The following MTREX variants were observed in gnomAD, a reference collection of about 807,000 sequenced individuals.
The protein encoded by MTREX is Mtr4 exosome RNA helicase, also known as exosome RNA helicase MTR4.
A neutral mutation model predicts 135.4 loss-of-function variants in MTREX; 76 were observed. The observed-to-expected ratio is 0.56, with a 90% CI of 0.47 to 0.68. The LOEUF (loss-of-function observed/expected upper bound fraction) is 0.68, where lower values mean the gene tolerates loss of function less well. Ranked by LOEUF, MTREX falls within the 30% of genes least tolerant of loss-of-function variation. MTREX has a pLI of 0.00. For synonymous variants in MTREX, 404 were observed against 401.6 expected, an observed-to-expected ratio of 1.01 and a Z score of -0.07; for missense variants, 920 against 1,262.1, an observed-to-expected ratio of 0.73 and a Z score of 4.11.
chr5:55,372,926 G>C (rs1232951669), intron 16 of MTREX, among the ~76,000 whole-genome samples: 2 of 151,000 alleles, frequency 1.3e-5, no homozygotes, highest in Non-Finnish European at 3.0e-5. Context: ...GTGTGTGTGT[G>C]TGTGTGTGTG....
At chr5:55,396,858 A>G (rs1750654560) in intron 19 of MTREX, among the ~76,000 whole-genome samples, 1 of 152,260 alleles carries the variant, frequency 6.6e-6, no homozygotes, top group African/African-American at 2.4e-5. Flanking sequence ...TCTGGATTCA[A>G]GAGCAGTTGA....
chr5:55,358,503 G>C, intron 14 of MTREX, 70 bp from the exon 15 acceptor site: 2 of 1,290,254 alleles, frequency 1.6e-6, no homozygotes, highest in South Asian at 2.9e-5. Context: ...TTTATAAAAA[G>C]AGAAATTTTA....
chr5:55,318,943 A>G (rs1749243299), intron 1 of MTREX, among the ~76,000 whole-genome samples: 1 of 152,164 alleles, frequency 6.6e-6, no homozygotes, highest in Admixed American at 6.5e-5. Context: ...CTTAGAGAAA[A>G]TATATAAGAA....
At chr5:55,351,817 A>G (rs1413661145) in intron 13 of MTREX, among the ~76,000 whole-genome samples, 1 of 151,904 alleles carries the variant, frequency 6.6e-6, no homozygotes, top group Non-Finnish European at 1.5e-5. Context: ...TCAAAATGTA[A>G]TCATAAGTCT....
At chr5:55,384,470 G>A (rs1018963524) in intron 18 of MTREX, among the ~76,000 whole-genome samples, 1 of 152,024 alleles carries the variant, frequency 6.6e-6, no homozygotes, top group Non-Finnish European at 1.5e-5. Context: ...TATTTATAGT[G>A]GCAACTTTTA....
At chr5:55,416,296 A>G (rs1300934011) in intron 25 of MTREX, among the ~76,000 whole-genome samples, 164 bp downstream of exon 25, 1 of 152,074 alleles carries the variant, frequency 6.6e-6, no homozygotes, top group Non-Finnish European at 1.5e-5. Context: ...AATTCTTTGT[A>G]TTATTTAATA....
At position 55,425,444 on chromosome 5, in the gene MTREX, G is replaced by A. The variant is rs1014299256; in HGVS notation, c.*672G>A. The A allele has an allele frequency of 5.8e-6, 6 of 1,034,534 alleles. No individual in the cohort carries two copies. Among genetic ancestry groups the A allele is most frequent in the Admixed American group, 5.9e-5 (2 of 34,046 alleles). 64.1% of individuals were successfully genotyped at this position (1,034,534 alleles called of 1,614,324 possible). On this transcript the variant is annotated 3_prime_UTR_variant, in exon 27 of 27. Transcript: ENST00000230640. Reference sequence around the variant, plus strand: ...ATATAAACAAAAGGATATACTTTGAGGTGTACAGATTAAGCATATAAAAAA... The same window carrying A: ...ATATAAACAAAAGGATATACTTTGAAGTGTACAGATTAAGCATATAAAAAA...
chr5:55,365,990 A>T (rs913490461), intron 15 of MTREX, among the ~76,000 whole-genome samples: 3 of 136,546 alleles, frequency 2.2e-5, no homozygotes, highest in Non-Finnish European at 4.8e-5. Flanking sequence ...GACCCCATCT[A>T]AAAAAAAAAA....
At chr5:55,367,204 C>T (rs1419340575) in intron 16 of MTREX, among the ~76,000 whole-genome samples, 2 of 152,024 alleles carry the variant, frequency 1.3e-5, no homozygotes, top group Non-Finnish European at 2.9e-5. Flanking sequence ...AAAGCACATG[C>T]GGCTGGGCGC....
At chr5:55,321,767 C>T (rs950736648) in intron 1 of MTREX, among the ~76,000 whole-genome samples, 1 of 152,050 alleles carries the variant, frequency 6.6e-6, no homozygotes, top group Non-Finnish European at 1.5e-5. Flanking sequence ...CGCCATCATA[C>T]CCAGCTCATT....
At chr5:55,345,504 A>G (rs1749716907) in intron 10 of MTREX, among the ~76,000 whole-genome samples, 1 of 151,948 alleles carries the variant, frequency 6.6e-6, no homozygotes, top group Admixed American at 6.6e-5. Flanking sequence ...ATTAACAGTT[A>G]TTCTCCCTTT....
intron 1 of MTREX, among the ~76,000 whole-genome samples, chr5:55,317,662 A>C (rs1447589901): frequency 6.6e-6 from 1 of 152,206 alleles, no homozygotes; most frequent in African/African-American, 2.4e-5. Flanking sequence ...TAAAACCCAA[A>C]ACTACAAAAT....
intron 16 of MTREX, among the ~76,000 whole-genome samples, chr5:55,375,516 A>C (rs1455101451): frequency 6.6e-6 from 1 of 152,192 alleles, no homozygotes; most frequent in Non-Finnish European, 1.5e-5. Context: ...GTTTAAGGTT[A>C]TCTCTCTTAT....
rs1415429199 is a variant in MTREX at position 55,379,159 on chromosome 5, A to G, written c.2016A>G (p.Gly672=). 2.5e-6 allele frequency: 4 copies of G among 1,609,068 alleles called. No homozygotes were observed. The Middle Eastern group carries it at 5.0e-4, about 200-fold the overall frequency. The change falls in exon 18 of 27, where the codon GGA becomes GGG. Residue 672 remains glycine (G), a synonymous_variant. Coordinates refer to ENST00000230640, the MANE Select transcript of MTREX (RefSeq NM_015360.5). The part of the protein sequence containing the change: ...VKNEGDDFGW[G]VVVNFSKKSN... Reference sequence around the variant, plus strand: ...ATGAAGGAGATGACTTTGGCTGGGGAGTAGTGGTGAATTTCTCAAAAAAGT... The same window carrying G: ...ATGAAGGAGATGACTTTGGCTGGGGGGTAGTGGTGAATTTCTCAAAAAAGT...
chr5:55,401,237 G>T (rs1750719439), intron 21 of MTREX, among the ~76,000 whole-genome samples: 1 of 152,174 alleles, frequency 6.6e-6, no homozygotes, highest in Non-Finnish European at 1.5e-5. Flanking sequence ...GTTTCGCCAT[G>T]TTGGCCAGGC....
At chr5:55,318,820 A>G (rs897089155) in intron 1 of MTREX, among the ~76,000 whole-genome samples, 1 of 152,128 alleles carries the variant, frequency 6.6e-6, no homozygotes, top group African/African-American at 2.4e-5. Flanking sequence ...TCTAGGCGAG[A>G]TACAATGGTT....
intron 22 of MTREX, 150 bp from the exon 23 acceptor site, chr5:55,410,374 T>C: frequency 2.3e-6 from 1 of 426,668 alleles, no homozygotes; most frequent in Non-Finnish European, 4.2e-6. Context: ...AAAGATCTAC[T>C]ATGTCCTTAA....
Position 55,425,567 on chromosome 5 carries a change from A to C in MTREX, c.*795A>C. ...CTTCATTTTGCCAATACTGAATAAA[A>C]GAGTTATTTCTACATGTGAATTAGT... On this transcript the variant is annotated 3_prime_UTR_variant, in exon 27 of 27. Transcript: ENST00000230640. 2.2e-6 allele frequency: 1 copy of C among 463,110 alleles called. No homozygotes were observed. Among genetic ancestry groups the C allele is most frequent in the Non-Finnish European group, 3.7e-6 (1 of 272,478 alleles). 28.7% of individuals were successfully genotyped at this position (463,110 alleles called of 1,614,324 possible).
At chr5:55,417,700 C>A (rs567356146) in intron 25 of MTREX, among the ~76,000 whole-genome samples, 1 of 152,286 alleles carries the variant, frequency 6.6e-6, no homozygotes, top group East Asian at 1.9e-4. Flanking sequence ...TTCAGCAGCA[C>A]TAGGGCGATC....
Sources: allele counts gnomAD v4.1 joint callset (sites outside exome capture counted in the v4.1 genomes callset), GRCh38; gene constraint gnomAD v4.1.1; transcripts MANE v1.5; gene names NCBI Gene and HGNC (gene_info 2026-07-23, HGNC 2026-07-21).